The following GPR39 variants were observed in gnomAD, a reference collection of about 807,000 sequenced individuals.
The protein encoded by GPR39 is zinc sensing receptor.
Under a neutral mutation model 18.4 loss-of-function variants are expected in GPR39, and 23 were observed. The observed-to-expected ratio is 1.25, with a 90% CI of 0.90 to 1.77. GPR39 has a LOEUF of 1.77. Among genes scored for constraint, GPR39 ranks in the 40% most tolerant of loss-of-function variants. GPR39 has a pLI of 0.00. For missense variants in GPR39, 647 were observed against 602.4 expected (o/e 1.07, Z -0.78); for synonymous variants, 280 against 257.9 (o/e 1.09, Z -0.82).
chr2:132,427,299 G>A (rs990349329), intron 1 of GPR39, among the ~76,000 whole-genome samples: 9 of 148,402 alleles, frequency 6.1e-5, no homozygotes, highest in African/African-American at 2.0e-4. Flanking sequence ...GAGTGGCTGA[G>A]ACTACAGGCG....
intron 1 of GPR39, among the ~76,000 whole-genome samples, chr2:132,510,181 G>T (rs1463222527): frequency 1.3e-5 from 2 of 152,182 alleles, no homozygotes; most frequent in South Asian, 4.1e-4. Context: ...GTTAAGCACT[G>T]GGATGGTTTT....
At position 132,584,407 on chromosome 2, in the gene GPR39, C is replaced by T. The variant is rs183092372; in HGVS notation, c.857-60694C>T. 1.1e-4 allele frequency among the ~76,000 whole-genome samples: 17 copies of T among 152,256 alleles called. No homozygotes were observed. The East Asian group carries it at 3.1e-3, about 28-fold the overall frequency. ...TTGAAGATTACCTGAGTGCTAGCCA[C>T]CGAATATTCAGAACAAAGAGGAAGC... On this transcript the variant is annotated intron_variant, in intron 1 of 1. Transcript: ENST00000329321.
intron 1 of GPR39, among the ~76,000 whole-genome samples, chr2:132,474,840 C>T (rs994909492): frequency 1.3e-5 from 2 of 152,118 alleles, no homozygotes; most frequent in Non-Finnish European, 2.9e-5. Context: ...AGTGGACAGC[C>T]GCCATAAAGA....
chr2:132,531,807 C>A (rs1212723354), intron 1 of GPR39, among the ~76,000 whole-genome samples: 1 of 152,148 alleles, frequency 6.6e-6, no homozygotes, highest in Non-Finnish European at 1.5e-5. Flanking sequence ...CCAATGAGAA[C>A]AAAGACACAA....
intron 1 of GPR39, among the ~76,000 whole-genome samples, chr2:132,440,667 G>A (rs1000813709): frequency 1.3e-5 from 2 of 152,102 alleles, no homozygotes; most frequent in Non-Finnish European, 2.9e-5. Context: ...GGGTCAGTGT[G>A]GAAGGAAGGA....
intron 1 of GPR39, among the ~76,000 whole-genome samples, chr2:132,456,750 C>T (rs1191747999): frequency 6.6e-6 from 1 of 152,094 alleles, no homozygotes; most frequent in Admixed American, 6.5e-5. Flanking sequence ...CTTAGTTTGG[C>T]TGGATATGAA....
chr2:132,487,075 G>A (rs1413330720), intron 1 of GPR39, among the ~76,000 whole-genome samples: 2 of 152,142 alleles, frequency 1.3e-5, no homozygotes, highest in Non-Finnish European at 2.9e-5. Flanking sequence ...GGAATACGGA[G>A]GCCTGAGGAT....
chr2:132,492,677 A>ATATATATACACACCATATATATATAT, intron 1 of GPR39, among the ~76,000 whole-genome samples: 1 of 138,212 alleles, frequency 7.2e-6, no homozygotes, highest in Non-Finnish European at 1.5e-5. Flanking sequence ...TATATATATA[A>ATATATATACACACCATATATATATAT]TATATATACA....
intron 1 of GPR39, among the ~76,000 whole-genome samples, chr2:132,586,364 G>A (rs1011408262): frequency 1.3e-5 from 2 of 152,166 alleles, no homozygotes; most frequent in African/African-American, 4.8e-5. Flanking sequence ...ACGGTCTGGT[G>A]ACAGGCGCGC....
At chr2:132,630,094 C>T (rs998342733) in intron 1 of GPR39, among the ~76,000 whole-genome samples, 3 of 152,176 alleles carry the variant, frequency 2.0e-5, no homozygotes, top group African/African-American at 7.2e-5. Context: ...CTATGCCAAG[C>T]ACTGCAGACG....
At chr2:132,518,566 G>A (rs16833251) in intron 1 of GPR39, among the ~76,000 whole-genome samples, 77,566 of 151,952 alleles carry the variant, frequency 0.51, 20,234 homozygotes, top group Non-Finnish European at 0.56. Flanking sequence ...TTAATGAGTT[G>A]TTAGAGGTCC....
At chr2:132,500,717 T>G (rs2104802955) in intron 1 of GPR39, among the ~76,000 whole-genome samples, 1 of 152,264 alleles carries the variant, frequency 6.6e-6, no homozygotes, top group East Asian at 1.9e-4. Flanking sequence ...CCTGGACTTT[T>G]TTTGTTGGCA....
At chr2:132,640,462 C>T (rs1488243936) in intron 1 of GPR39, among the ~76,000 whole-genome samples, 1 of 152,038 alleles carries the variant, frequency 6.6e-6, no homozygotes, top group Non-Finnish European at 1.5e-5. Flanking sequence ...ATTTCATAGC[C>T]CAGAGTGCAA....
intron 1 of GPR39, 57 bp from the exon 2 acceptor site, chr2:132,645,044 G>C: frequency 3.2e-6 from 5 of 1,550,834 alleles, no homozygotes; most frequent in Non-Finnish European, 4.4e-6. Context: ...CATTTACTGT[G>C]TTCTCATGCT....
At chr2:132,482,994 A>G (rs1049125688) in intron 1 of GPR39, among the ~76,000 whole-genome samples, 2 of 152,176 alleles carry the variant, frequency 1.3e-5, no homozygotes, top group Non-Finnish European at 2.9e-5. Context: ...TAGTGTAGCA[A>G]TGGAGTGCAC....
In GPR39 at chr2:132,483,502, ACTCT is replaced by A. The variant is rs1318563561; in HGVS notation, c.856+65609_856+65612del. On this transcript the variant is annotated intron_variant, in intron 1 of 1. Transcript: ENST00000329321. ...GCCTTCCATGTTGTGAAAGACAAAG[ACTCT>A]CTCTATCATTCAGGCCGTGATTGGC... 4.6e-5 allele frequency among the ~76,000 whole-genome samples: 7 copies of A among 151,686 alleles called. No homozygotes were observed. The East Asian group carries it at 1.2e-3, about 25-fold the overall frequency.
chr2:132,573,795 A>G (rs780161286), intron 1 of GPR39, among the ~76,000 whole-genome samples: 8 of 152,166 alleles, frequency 5.3e-5, no homozygotes, highest in Non-Finnish European at 7.3e-5. Flanking sequence ...TAGGAAGAAA[A>G]GAATTACCTT....
intron 1 of GPR39, among the ~76,000 whole-genome samples, chr2:132,578,833 A>G (rs917468070): frequency 3.3e-5 from 5 of 152,056 alleles, no homozygotes; most frequent in African/African-American, 9.6e-5. Flanking sequence ...GTAACACTCC[A>G]TGTTTCACTT....
chr2:132,523,455 GT>G (rs1300725733), intron 1 of GPR39, among the ~76,000 whole-genome samples: 2 of 151,820 alleles, frequency 1.3e-5, no homozygotes, highest in Non-Finnish European at 2.9e-5. Flanking sequence ...TTGAGGTCCA[GT>G]TTTTGGGAAA....
Sources: gnomAD v4.1 joint callset for allele counts (sites outside exome capture counted in the v4.1 genomes callset) on GRCh38, gnomAD v4.1.1 for gene constraint, MANE v1.5 for transcripts, NCBI Gene and HGNC (gene_info 2026-07-23, HGNC 2026-07-21) for gene names.